Variants in ARHGAP6 observed in about 807,000 individuals in gnomAD.
ARHGAP6 encodes the protein rho GTPase-activating protein 6.
ARHGAP6 carries 16 observed loss-of-function variants against 55.7 expected under a neutral mutation model. The ratio of observed to expected loss-of-function variants is 0.29; its 90% CI spans 0.19 to 0.44. ARHGAP6 has a LOEUF of 0.44. ARHGAP6 is among the 20% of genes least tolerant of loss of function. The pLI, the probability that ARHGAP6 is intolerant of heterozygous loss-of-function variation, is 1.00. For synonymous variants in ARHGAP6, 382 were observed against 360.9 expected, an observed-to-expected ratio of 1.06 and a Z score of -0.66; for missense variants, 698 against 808.9, an observed-to-expected ratio of 0.86 and a Z score of 1.66.
chrX:11,214,448 T>C (rs2046849022), intron 2 of ARHGAP6, among the ~76,000 whole-genome samples: 1 of 112,772 alleles, frequency 8.9e-6, no homozygotes. Flanking sequence ...CTCAGGGTGA[T>C]GGCCATTGCA....
chrX:11,390,498 A>C (rs1162105190), intron 1 of ARHGAP6, among the ~76,000 whole-genome samples: 2 of 111,429 alleles, frequency 1.8e-5, no homozygotes, highest in Non-Finnish European at 3.8e-5. Context: ...CTGCACAGCA[A>C]AAGAAACTAC....
chrX:11,194,465 G>T (rs2046503946), intron 3 of ARHGAP6, among the ~76,000 whole-genome samples: 1 of 112,108 alleles, frequency 8.9e-6, no homozygotes, highest in African/African-American at 3.2e-5. Flanking sequence ...GTGGGTCTTG[G>T]ACTTCTTAAA....
intron 1 of ARHGAP6, among the ~76,000 whole-genome samples, chrX:11,330,815 T>C (rs987611047): frequency 8.9e-6 from 1 of 112,116 alleles, no homozygotes; most frequent in African/African-American, 3.2e-5. Context: ...GGTGTCATCA[T>C]CTCAGCACCC....
chrX:11,601,328 C>T (rs1309825513), intron 1 of ARHGAP6, among the ~76,000 whole-genome samples: 1 of 110,757 alleles, frequency 9.0e-6, no homozygotes, highest in Non-Finnish European at 1.9e-5. Flanking sequence ...GTGGTGCATG[C>T]CTGGTGGCAG....
rs371983081 is a variant in ARHGAP6 at position 11,179,471 on chromosome X, G to A, written c.1330-19C>T. The A allele has an allele frequency of 1.1e-4, 132 of 1,198,020 alleles. 1 individual carries two copies. The South Asian group carries it at 2.1e-3, about 19-fold the overall frequency. Reference sequence around the variant, plus strand: ...CACGTAACTGGAAGAACAATGGTTCGAGTGGCAGTCACATAACACCATACC... The same window carrying A: ...CACGTAACTGGAAGAACAATGGTTCAAGTGGCAGTCACATAACACCATACC... On this transcript the variant is annotated intron_variant, in intron 6 of 12. Transcript: ENST00000337414.
intron 10 of ARHGAP6, among the ~76,000 whole-genome samples, chrX:11,152,993 G>C (rs2045806384): frequency 8.9e-6 from 1 of 111,853 alleles, no homozygotes; most frequent in African/African-American, 3.3e-5. Flanking sequence ...CAGTGGGCCA[G>C]CACCTATTGT....
At chrX:11,556,374 G>A (rs2051320451) in intron 1 of ARHGAP6, among the ~76,000 whole-genome samples, 1 of 111,798 alleles carries the variant, frequency 8.9e-6, no homozygotes, top group South Asian at 3.8e-4. Flanking sequence ...AAACTACCAG[G>A]GCTTGCAAAG....
In ARHGAP6 at chrX:11,188,746, A is replaced by G; in HGVS notation, c.1059T>C (p.Ala353=). ...ACCTCACCCTCCTCCTAGCCCGAGGAGCCGGTTCCGGGGTGTTTGGGGACG... is the reference window on the plus strand; with the variant it reads ...ACCTCACCCTCCTCCTAGCCCGAGGGGCCGGTTCCGGGGTGTTTGGGGACG... The part of the protein sequence containing the change: ...ESTSPNTPEP[A]PRARRRGAMS... The change falls in exon 4 of 13, where the codon GCT becomes GCC. Residue 353 remains alanine, a synonymous_variant. Transcript: ENST00000337414. The G allele has an allele frequency of 8.3e-7, 1 of 1,210,996 alleles. No individual in the cohort carries two copies. Among genetic ancestry groups the G allele is most frequent in the African/African-American group, 1.7e-5 (1 of 57,796 alleles).
chrX:11,664,320 G>C lies in ARHGAP6; in HGVS notation c.509C>G (p.Pro170Arg). Residue 170 changes from proline (P) to arginine (R), a missense_variant, in exon 1 of 13, where the codon CCT becomes CGT. Coordinates refer to ENST00000337414, the MANE Select transcript of ARHGAP6 (RefSeq NM_013427.3). The part of the protein sequence containing the change: ...GGGPNGIFAS[P>R]RRWLQQRKFQ... ...CTTCCTCTGCTGGAGCCACCTCCTA[G>C]GAGAAGCGAAGATGCCATTGGGGCC... 8.2e-7 allele frequency: 1 copy of C among 1,212,161 alleles called. No individual in the cohort carries two copies. Among genetic ancestry groups the C allele is most frequent in the East Asian group, 3.0e-5 (1 of 33,850 alleles).
chrX:11,328,672 T>C (rs868796056), intron 1 of ARHGAP6, among the ~76,000 whole-genome samples: 10 of 112,620 alleles, frequency 8.9e-5, no homozygotes, highest in Middle Eastern at 4.6e-3. Flanking sequence ...GCAGAACTTC[T>C]AGTCTATCCT....
chrX:11,376,130 A>G (rs1043744889), intron 1 of ARHGAP6, among the ~76,000 whole-genome samples: 1 of 112,138 alleles, frequency 8.9e-6, no homozygotes, highest in South Asian at 3.7e-4. Context: ...ATGTGCACAT[A>G]CAAACACAGT....
intron 1 of ARHGAP6, among the ~76,000 whole-genome samples, chrX:11,361,925 C>T (rs2049017021): frequency 8.9e-6 from 1 of 112,138 alleles, no homozygotes; most frequent in South Asian, 3.7e-4. Context: ...CACTGGCCAT[C>T]AGAGAAATGC....
intron 1 of ARHGAP6, among the ~76,000 whole-genome samples, chrX:11,377,069 A>C (rs767938241): frequency 8.9e-6 from 1 of 112,131 alleles, no homozygotes; most frequent in Non-Finnish European, 1.9e-5. Flanking sequence ...AAATTCTTCC[A>C]GTGTGAGTCC....
At chrX:11,581,385 G>T (rs2051664262) in intron 1 of ARHGAP6, among the ~76,000 whole-genome samples, 1 of 111,374 alleles carries the variant, frequency 9.0e-6, no homozygotes, top group Admixed American at 9.6e-5. Flanking sequence ...TTCCTCAAAT[G>T]GAATATAACC....
chrX:11,281,509 G>A (rs2047855578), intron 1 of ARHGAP6, among the ~76,000 whole-genome samples: 1 of 110,853 alleles, frequency 9.0e-6, no homozygotes, highest in Non-Finnish European at 1.9e-5. Flanking sequence ...GTCCATCAGT[G>A]AGCAACTGGC....
At chrX:11,547,009 A>C (rs982078365) in intron 1 of ARHGAP6, among the ~76,000 whole-genome samples, 7 of 112,647 alleles carry the variant, frequency 6.2e-5, no homozygotes, top group African/African-American at 2.3e-4. Flanking sequence ...AAAATCTGAG[A>C]CACATCAGCC....
At chrX:11,227,582 C>G (rs1460198125) in intron 2 of ARHGAP6, among the ~76,000 whole-genome samples, 1 of 110,389 alleles carries the variant, frequency 9.1e-6, no homozygotes, top group Admixed American at 9.7e-5. Flanking sequence ...CTAGCCCTTC[C>G]CTCTTCCCAG....
chrX:11,631,143 C>T (rs891326741), intron 1 of ARHGAP6, among the ~76,000 whole-genome samples: 2 of 111,330 alleles, frequency 1.8e-5, no homozygotes, highest in African/African-American at 6.5e-5. Context: ...TTCAAATATG[C>T]ATAGATAAAA....
At chrX:11,386,200 T>A in intron 1 of ARHGAP6, among the ~76,000 whole-genome samples, 1 of 113,188 alleles carries the variant, frequency 8.8e-6, no homozygotes, top group African/African-American at 3.2e-5. Context: ...GAACCTGAGA[T>A]GCCTTTTTGC....
Sources: gnomAD v4.1 joint callset for allele counts (sites outside exome capture counted in the v4.1 genomes callset) on GRCh38, gnomAD v4.1.1 for gene constraint, MANE v1.5 for transcripts, NCBI Gene and HGNC (gene_info 2026-07-23, HGNC 2026-07-21) for gene names.